CHST11: variants seen among roughly 807,000 people sequenced by gnomAD.
CHST11 encodes carbohydrate sulfotransferase 11, also known as C4S-1.
A neutral mutation model predicts 30.4 loss-of-function variants in CHST11; 9 were observed. The ratio of observed to expected loss-of-function variants is 0.30; its 90% CI spans 0.18 to 0.52. The LOEUF is 0.52. CHST11 is among the 20% of genes least tolerant of loss of function. CHST11 has a pLI of 0.97. For synonymous variants in CHST11, 152 were observed against 187.8 expected, an observed-to-expected ratio of 0.81 and a Z score of 1.56; for missense variants, 348 against 460.6, an observed-to-expected ratio of 0.76 and a Z score of 2.24.
At chr12:104,699,898 T>A (rs1309425045) in intron 2 of CHST11, among the ~76,000 whole-genome samples, 1 of 152,210 alleles carries the variant, frequency 6.6e-6, no homozygotes, top group Non-Finnish European at 1.5e-5. Flanking sequence ...GAGCCCTCGA[T>A]AATTTTATCT....
At chr12:104,528,630 G>A (rs1369985402) in intron 1 of CHST11, among the ~76,000 whole-genome samples, 2 of 152,190 alleles carry the variant, frequency 1.3e-5, no homozygotes, top group East Asian at 1.9e-4. Context: ...TTTCCAAGAT[G>A]TTGTCAGGTT....
In CHST11 at chr12:104,757,881, G is replaced by T; in HGVS notation, c.*78G>T. 7.3e-7 allele frequency: 1 copy of T among 1,364,310 alleles called. No homozygotes were observed. The highest frequency in any genetic ancestry group is 2.2e-5 in the Admixed American group (1 of 44,758). The allele number at this position is 1,364,310 out of a possible 1,614,324, so 84.5% of individuals were successfully genotyped here. A position where few individuals can be genotyped will look rare whatever the true frequency, so the allele number is the denominator to read the frequency against. ...GTCAAAAGAATTATATGGATATTGG[G>T]TTATTTTGTAAATTAATATTTCTTT... On this transcript the variant is annotated 3_prime_UTR_variant, in exon 3 of 3. Transcript: ENST00000303694. The surrounding 1 kb of genome is among the most constrained non-coding windows in gnomAD (Gnocchi z 6.5).
In CHST11 at chr12:104,586,131, G is replaced by T. The variant is rs931244867; in HGVS notation, c.119-15775G>T. ...AGTGGATTGTACACTGCAATCCATGGTTGCAGGTCCCTAGTGGATATGAAT... is the reference window on the plus strand; with the variant it reads ...AGTGGATTGTACACTGCAATCCATGTTTGCAGGTCCCTAGTGGATATGAAT... On this transcript the variant is annotated intron_variant, in intron 1 of 2. Transcript: ENST00000303694. 6.6e-5 allele frequency among the ~76,000 whole-genome samples: 10 copies of T among 152,254 alleles called. No individual in the cohort carries two copies. In the East Asian group the frequency reaches 7.7e-4, roughly 12 times the overall value.
At chr12:104,472,154 T>C (rs2037516597) in intron 1 of CHST11, among the ~76,000 whole-genome samples, 1 of 151,056 alleles carries the variant, frequency 6.6e-6, no homozygotes, top group South Asian at 2.1e-4. Flanking sequence ...TTTTTTTTTT[T>C]TGTAGAGACA....
intron 1 of CHST11, among the ~76,000 whole-genome samples, chr12:104,460,856 G>C (rs12819044): frequency 0.079 from 12,038 of 152,176 alleles, 629 homozygotes; most frequent in East Asian, 0.2. Flanking sequence ...GTTACATTTA[G>C]AAGTTTTTGA....
chr12:104,549,106 C>A (rs770279767), intron 1 of CHST11, among the ~76,000 whole-genome samples: 1 of 152,102 alleles, frequency 6.6e-6, no homozygotes, highest in Non-Finnish European at 1.5e-5. Context: ...AATATGATTG[C>A]GGTAAAGCGT....
chr12:104,747,485 G>A (rs1042035569), intron 2 of CHST11, among the ~76,000 whole-genome samples: 5 of 152,156 alleles, frequency 3.3e-5, no homozygotes, highest in African/African-American at 1.2e-4. Context: ...TGCTGTGGAT[G>A]TGGTGTCTTC....
intron 2 of CHST11, among the ~76,000 whole-genome samples, chr12:104,706,148 C>G (rs2040032176): frequency 6.6e-6 from 1 of 151,830 alleles, no homozygotes. Context: ...CTTTGGGAGG[C>G]CGAGGCGGGC....
chr12:104,615,120 C>T (rs568181504), intron 2 of CHST11, among the ~76,000 whole-genome samples: 4 of 152,314 alleles, frequency 2.6e-5, no homozygotes, highest in Admixed American at 2.0e-4. Context: ...AGCCCTAGAA[C>T]GAAGCTGACC....
chr12:104,687,751 G>C (rs1387571090), intron 2 of CHST11, among the ~76,000 whole-genome samples: 1 of 152,154 alleles, frequency 6.6e-6, no homozygotes, highest in East Asian at 1.9e-4. Context: ...TGCCTAGAAT[G>C]ATCCTGTTTC....
chr12:104,612,361 T>A (rs987475859), intron 2 of CHST11, among the ~76,000 whole-genome samples: 4 of 152,252 alleles, frequency 2.6e-5, no homozygotes, highest in African/African-American at 9.6e-5. Flanking sequence ...ATCTTTGGCT[T>A]CCTTGCTCTG....
chr12:104,747,364 A>C (rs2040396661), intron 2 of CHST11, among the ~76,000 whole-genome samples: 1 of 152,194 alleles, frequency 6.6e-6, no homozygotes, highest in Admixed American at 6.5e-5. Flanking sequence ...CCTTATCCAC[A>C]AGTTGAAAAT....
chr12:104,524,972 CA>C (rs1439913804), intron 1 of CHST11, among the ~76,000 whole-genome samples: 17 of 152,032 alleles, frequency 1.1e-4, no homozygotes, highest in Non-Finnish European at 2.2e-4. Context: ...TCATGATTTG[CA>C]TAACTCGGCA....
chr12:104,681,956 G>A (rs945990456), intron 2 of CHST11, among the ~76,000 whole-genome samples: 20 of 148,848 alleles, frequency 1.3e-4, no homozygotes, highest in African/African-American at 4.0e-4. Context: ...TCAGCCTCCC[G>A]AGTAGATGGG....
intron 1 of CHST11, among the ~76,000 whole-genome samples, chr12:104,510,293 A>G (rs1362102627): frequency 1.3e-5 from 2 of 152,086 alleles, no homozygotes; most frequent in South Asian, 2.1e-4. Context: ...CTTCCATTTC[A>G]TGCAATATTG....
At chr12:104,697,985 G>C (rs1039576127) in intron 2 of CHST11, among the ~76,000 whole-genome samples, 4 of 152,220 alleles carry the variant, frequency 2.6e-5, no homozygotes, top group African/African-American at 9.6e-5. Flanking sequence ...TCTGCTGTCA[G>C]CACCTGGTCC....
At chr12:104,528,745 T>C (rs1409459386) in intron 1 of CHST11, among the ~76,000 whole-genome samples, 1 of 152,218 alleles carries the variant, frequency 6.6e-6, no homozygotes, top group Non-Finnish European at 1.5e-5. Context: ...TCAAGGCTTT[T>C]AGTTATTTTT....
intron 1 of CHST11, among the ~76,000 whole-genome samples, chr12:104,580,747 G>A (rs2038734898): frequency 1.3e-5 from 2 of 152,110 alleles, no homozygotes; most frequent in Admixed American, 1.3e-4. Context: ...TGGAAGGAAG[G>A]GGAATTTTCA....
At chr12:104,619,363 T>G (rs1279565939) in intron 2 of CHST11, among the ~76,000 whole-genome samples, 2 of 152,204 alleles carry the variant, frequency 1.3e-5, no homozygotes, top group African/African-American at 4.8e-5. Context: ...CTTGGAACTT[T>G]TTTTTTAATT....
Sources: gnomAD v4.1 joint callset for allele counts (sites outside exome capture counted in the v4.1 genomes callset) on GRCh38, gnomAD v4.1.1 for gene constraint, Gnocchi (gnomAD v3.1) non-coding constraint, MANE v1.5 for transcripts, NCBI Gene and HGNC (gene_info 2026-07-23, HGNC 2026-07-21) for gene names.